The following ERBB3 variants were observed in gnomAD, a reference collection of about 807,000 sequenced individuals.
ERBB3 encodes receptor tyrosine-protein kinase erbB-3.
In ERBB3, 96 loss-of-function variants were observed where a neutral mutation model predicts 156.7. The ratio of observed to expected loss-of-function variants is 0.61; its 90% CI spans 0.52 to 0.73. The LOEUF (loss-of-function observed/expected upper bound fraction) is 0.73, where lower values mean the gene tolerates loss of function less well. Among genes scored for constraint, ERBB3 ranks in the 30% least tolerant of loss-of-function variants. ERBB3 has a pLI of 0.00. For missense variants in ERBB3, 1,406 were observed against 1,709.4 expected (o/e 0.82, Z 3.13); for synonymous variants, 567 against 632.0 (o/e 0.90, Z 1.54).
chr12:56,098,348 C>T, intron 21 of ERBB3, 152 bp from the exon 22 acceptor site: 1 of 662,426 alleles, frequency 1.5e-6, no homozygotes. Flanking sequence ...GGAGGCGGAG[C>T]TTGCAGTGGG....
At position 56,096,628 on chromosome 12, in the gene ERBB3, T is replaced by C; in HGVS notation, c.2175+6T>C. The C allele has an allele frequency of 2.5e-6, 4 of 1,614,074 alleles. No homozygotes were observed. Among genetic ancestry groups the C allele is most frequent in the Non-Finnish European group, 3.4e-6 (4 of 1,180,008 alleles). On this transcript the variant is annotated splice_donor_region_variant and intron_variant, in intron 18 of 27. Coordinates refer to ENST00000267101, the MANE Select transcript of ERBB3 (RefSeq NM_001982.4). Reference sequence around the variant, plus strand: ...TCTTTGGAACTGTGCACAAAGTGAGTGACCCATAGGAATTCTGGAGAGGTG... The same window carrying C: ...TCTTTGGAACTGTGCACAAAGTGAGCGACCCATAGGAATTCTGGAGAGGTG...
rs574149579 is a variant in ERBB3, at chr12:56,101,375, C to T, written c.3502+14C>T. 7 of 1,613,748 alleles carry T rather than the reference C, an allele frequency of 4.3e-6. No individual in the cohort carries two copies. The Admixed American group carries it at 6.7e-5, about 15-fold the overall frequency. On this transcript the variant is annotated intron_variant, in intron 27 of 27. Coordinates refer to ENST00000267101, the MANE Select transcript of ERBB3 (RefSeq NM_001982.4). Reference sequence around the variant, plus strand: ...CACACCTCAAAGGTGCCTGACTCTTCCTAGGGCTTTCCTCAATTTTTCCTC... The same window carrying T: ...CACACCTCAAAGGTGCCTGACTCTTTCTAGGGCTTTCCTCAATTTTTCCTC...
chr12:56,094,285 C>T (rs1868821411), intron 14 of ERBB3, 96 bp downstream of exon 14: 1 of 1,461,272 alleles, frequency 6.8e-7, no homozygotes, highest in South Asian at 1.1e-5. Context: ...CACAGAGAGG[C>T]CAGATAATGC....
At position 56,094,145 on chromosome 12, in the gene ERBB3, C is replaced by T. The variant is rs1399363291; in HGVS notation, c.1660C>T (p.Pro554Ser). ...AHEAECFSCH[P>S]ECQPMEGTAT... Reference sequence around the variant, plus strand: ...TGAGGCCGAATGCTTCTCCTGCCACCCGGAATGCCAACCCATGGAGGGCAC... The same window carrying T: ...TGAGGCCGAATGCTTCTCCTGCCACTCGGAATGCCAACCCATGGAGGGCAC... Residue 554 changes from proline to serine, a missense_variant, in exon 14 of 28, where the codon CCG becomes TCG. Transcript: ENST00000267101. The T allele has an allele frequency of 1.9e-6, 3 of 1,614,108 alleles. No homozygotes were observed. Among genetic ancestry groups the T allele is most frequent in the Non-Finnish European group, 2.5e-6 (3 of 1,180,014 alleles).
chr12:56,086,139 C>T (rs1024309148), intron 3 of ERBB3, among the ~76,000 whole-genome samples: 1 of 150,844 alleles, frequency 6.6e-6, no homozygotes, highest in Non-Finnish European at 1.5e-5. Context: ...TCTACCTTTA[C>T]TCTCCTAAAC....
At chr12:56,083,287 C>A in intron 1 of ERBB3, 1 of 268,976 alleles carries the variant, frequency 3.7e-6, no homozygotes, top group Non-Finnish European at 7.3e-6. Flanking sequence ...TCAGTAGACA[C>A]AATAGGGGCT....
chr12:56,102,160 T>A lies in ERBB3; in HGVS notation c.*105T>A. The A allele has an allele frequency of 9.7e-7, 1 of 1,034,332 alleles. No homozygotes were observed. The highest frequency in any genetic ancestry group is 2.4e-5 in the East Asian group (1 of 42,214). The allele number at this position is 1,034,332 out of a possible 1,614,324, so 64.1% of individuals were successfully genotyped here. On this transcript the variant is annotated 3_prime_UTR_variant, in exon 28 of 28. Transcript: ENST00000267101. Reference sequence around the variant, plus strand: ...CTCTCTCCCAGGTCCCAGCCCCTTTTCCCCAGTCCCAGACAATTCCATTCA... The same window carrying A: ...CTCTCTCCCAGGTCCCAGCCCCTTTACCCCAGTCCCAGACAATTCCATTCA...
At chr12:56,093,266 T>C in intron 11 of ERBB3, 79 bp from the exon 12 acceptor site, 1 of 1,408,402 alleles carries the variant, frequency 7.1e-7, no homozygotes, top group Non-Finnish European at 1.0e-6. Context: ...CTGAGCAAAT[T>C]TCTTGACTAA....
At chr12:56,083,034 C>T (rs1400232084) in intron 1 of ERBB3, among the ~76,000 whole-genome samples, 1 of 152,056 alleles carries the variant, frequency 6.6e-6, no homozygotes, top group Non-Finnish European at 1.5e-5. Context: ...GCAACTAGCT[C>T]CTTATCTTTC....
intron 14 of ERBB3, 86 bp downstream of exon 14, chr12:56,094,275 C>T: frequency 1.4e-6 from 2 of 1,453,244 alleles, no homozygotes; most frequent in East Asian, 4.5e-5. Context: ...CTAAGGATAG[C>T]ACAGAGAGGC....
At chr12:56,086,212 C>T (rs888661477) in intron 3 of ERBB3, among the ~76,000 whole-genome samples, 9 of 152,082 alleles carry the variant, frequency 5.9e-5, no homozygotes, top group African/African-American at 2.2e-4. Context: ...TCTGCTTCTC[C>T]ATGTCCCAGT....
chr12:56,087,796 G>T lies in ERBB3; in HGVS notation c.615G>T (p.Leu205Phe). 1.2e-6 allele frequency: 2 copies of T among 1,613,540 alleles called. No homozygotes were observed. The highest frequency in any genetic ancestry group is 2.2e-5 in the South Asian group (2 of 91,034). ...GCCATGCTTTCTCTCCTTCCATAGT[G>T]ACCAAGACCATCTGTGCTCCTCAGT... ...WGPGSEDCQT[L>F]TKTICAPQCN... Residue 205 changes from leucine (L) to phenylalanine (F), a missense_variant and splice_region_variant, in exon 6 of 28, where the codon TTG (leucine) becomes TTT (phenylalanine). By Grantham distance (22) the Leu-to-Phe change is conservative. Coordinates refer to ENST00000267101, the MANE Select transcript of ERBB3 (RefSeq NM_001982.4).
intron 14 of ERBB3, 52 bp downstream of exon 14, chr12:56,094,241 T>C (rs1418396205): frequency 6.6e-7 from 1 of 1,504,010 alleles, no homozygotes; most frequent in Non-Finnish European, 9.3e-7. Context: ...GGGCAATACT[T>C]GGAGCATCTG....
intron 1 of ERBB3, 127 bp downstream of exon 1, chr12:56,080,509 GACCA>G: frequency 1.3e-6 from 1 of 745,924 alleles, no homozygotes; most frequent in Non-Finnish European, 2.2e-6. Flanking sequence ...GGTTTGCCAG[GACCA>G]CCTGGGAGAG....
intron 15 of ERBB3, among the ~76,000 whole-genome samples, 178 bp downstream of exon 15, chr12:56,094,734 C>G (rs1868836239): frequency 6.6e-6 from 1 of 151,976 alleles, no homozygotes; most frequent in African/African-American, 2.4e-5. Context: ...GGTGGATCAC[C>G]TGAGGTCGGG....
chr12:56,096,098 T>C (rs1197243070), intron 17 of ERBB3: 10 of 534,024 alleles, frequency 1.9e-5, no homozygotes, highest in Non-Finnish European at 2.7e-5. Context: ...CCTCGGTTTA[T>C]GCATCTATAC....
rs374926284 is a variant in ERBB3, at chr12:56,088,739, C to G, written c.989-9C>G. On this transcript the variant is annotated splice_polypyrimidine_tract_variant and intron_variant, in intron 8 of 27. Transcript: ENST00000267101. ...GACCACCCCCACTGAACCTCTCTTA[C>G]ATTTGCAGCCTGTGAGGGAACAGGC... 6.2e-7 allele frequency: 1 copy of G among 1,614,144 alleles called. No homozygotes were observed. The highest frequency in any genetic ancestry group is 8.5e-7 in the Non-Finnish European group (1 of 1,180,020).
At chr12:56,100,378 A>C (rs1869049576) in intron 26 of ERBB3, 133 bp downstream of exon 26, 2 of 779,890 alleles carry the variant, frequency 2.6e-6, no homozygotes, top group African/African-American at 1.7e-5. Flanking sequence ...GAGTTGGCTC[A>C]CACCTGTAAT....
chr12:56,087,292 T>C (rs1468883886), intron 4 of ERBB3, among the ~76,000 whole-genome samples: 1 of 152,154 alleles, frequency 6.6e-6, no homozygotes, highest in Non-Finnish European at 1.5e-5. Flanking sequence ...ATATTCAGTT[T>C]GCCCAGGAGG....
Sources: allele counts gnomAD v4.1 joint callset (sites outside exome capture counted in the v4.1 genomes callset), GRCh38; gene constraint gnomAD v4.1.1; transcripts MANE v1.5; gene names NCBI Gene and HGNC (gene_info 2026-07-23, HGNC 2026-07-21).